The following AGFG1 variants were observed in gnomAD, a reference collection of about 807,000 sequenced individuals.
AGFG1 encodes arf-GAP domain and FG repeat-containing protein 1.
In AGFG1, 10 loss-of-function variants were observed where a neutral mutation model predicts 60.6. That is an observed-to-expected ratio of 0.16 (90% CI 0.10 to 0.28). The LOEUF (loss-of-function observed/expected upper bound fraction) is 0.28. AGFG1 is among the 10% of genes least tolerant of loss of function. The pLI, the probability that AGFG1 is intolerant of heterozygous loss-of-function variation, is 1.00. For synonymous variants in AGFG1, 247 were observed against 242.9 expected, an observed-to-expected ratio of 1.02 and a Z score of -0.16; for missense variants, 537 against 676.5, an observed-to-expected ratio of 0.79 and a Z score of 2.29.
At chr2:227,486,811 G>C (rs369904242) in intron 1 of AGFG1, among the ~76,000 whole-genome samples, 34 of 152,144 alleles carry the variant, frequency 2.2e-4, no homozygotes, top group Middle Eastern at 6.3e-3. Flanking sequence ...AACTGCAGGG[G>C]TTTTACCCTG....
chr2:227,547,916 T>C (rs34187364), intron 10 of AGFG1, among the ~76,000 whole-genome samples: 10,999 of 152,274 alleles, frequency 0.072, 529 homozygotes, highest in Admixed American at 0.11. Flanking sequence ...TCAGTATTTA[T>C]CATCGCTAAG....
intron 10 of AGFG1, among the ~76,000 whole-genome samples, chr2:227,545,391 C>G (rs568273610): frequency 6.6e-6 from 1 of 152,198 alleles, no homozygotes; most frequent in South Asian, 2.1e-4. Flanking sequence ...AGCTTCCTTG[C>G]GATAGGTTTG....
At chr2:227,498,902 T>G (rs1045479309) in intron 2 of AGFG1, among the ~76,000 whole-genome samples, 1 of 152,232 alleles carries the variant, frequency 6.6e-6, no homozygotes, top group African/African-American at 2.4e-5. Flanking sequence ...TGCCATTGTG[T>G]GTTATCTTCT....
chr2:227,536,519 G>C, intron 8 of AGFG1, 106 bp from the exon 9 acceptor site: 1 of 821,374 alleles, frequency 1.2e-6, no homozygotes. Flanking sequence ...TGTTGATACT[G>C]ATGCTGTGAT....
At chr2:227,546,800 T>C (rs1264156381) in intron 10 of AGFG1, among the ~76,000 whole-genome samples, 1 of 152,240 alleles carries the variant, frequency 6.6e-6, no homozygotes, top group Admixed American at 6.5e-5. Context: ...GAAATTTTTA[T>C]AACTCTTAGG....
chr2:227,548,598 A>G (rs954590332), intron 10 of AGFG1, among the ~76,000 whole-genome samples: 24 of 152,204 alleles, frequency 1.6e-4, no homozygotes, highest in African/African-American at 5.8e-4. Context: ...AGTTTAATCA[A>G]TGTCATTAAT....
At chr2:227,495,404 G>GAT (rs1400974237) in intron 2 of AGFG1, among the ~76,000 whole-genome samples, 62 of 152,112 alleles carry the variant, frequency 4.1e-4, no homozygotes, top group Admixed American at 4.0e-3. Flanking sequence ...AAATTAGCCA[G>GAT]GCGTGGTGGT....
rs1290375423 is a variant in AGFG1 at position 227,558,648 on chromosome 2, T to C, written c.*4153T>C. The stretch of plus-strand genomic sequence containing the variant: ...TTTAAAACTTAGTGACATTAAACTT[T>C]TCACGTGGTTGTTTGTGAACAGATG... On this transcript the variant is annotated 3_prime_UTR_variant, in exon 13 of 13. Coordinates refer to ENST00000310078, the MANE Select transcript of AGFG1 (RefSeq NM_004504.5). 6.6e-6 allele frequency: 1 copy of C among 152,224 alleles called. No homozygotes were observed. The highest frequency in any genetic ancestry group is 1.9e-4 in the East Asian group (1 of 5,200). 9.4% of individuals were successfully genotyped at this position (152,224 alleles called of 1,614,324 possible).
intron 1 of AGFG1, among the ~76,000 whole-genome samples, chr2:227,474,354 C>A (rs1372476733): frequency 6.6e-6 from 1 of 152,190 alleles, no homozygotes; most frequent in Non-Finnish European, 1.5e-5. Flanking sequence ...ATTTACACTT[C>A]CGGATTTCTG....
rs754654721 is a variant in AGFG1 at position 227,534,833 on chromosome 2, G to T, written c.1025-12G>T. On this transcript the variant is annotated splice_polypyrimidine_tract_variant and intron_variant, in intron 7 of 12. Coordinates refer to ENST00000310078, the MANE Select transcript of AGFG1 (RefSeq NM_004504.5). ...TAAATTTTTGGTGTAACTTGATTTT[G>T]TTCGTTCCCAGGTGGTGATCAGGGA... The T allele has an allele frequency of 6.2e-7, 1 of 1,606,984 alleles. No homozygotes were observed. The highest frequency in any genetic ancestry group is 8.5e-7 in the Non-Finnish European group (1 of 1,176,646).
intron 5 of AGFG1, among the ~76,000 whole-genome samples, chr2:227,529,713 T>G (rs981112472): frequency 1.3e-5 from 2 of 152,118 alleles, no homozygotes; most frequent in African/African-American, 4.8e-5. Context: ...CTGTAATTGA[T>G]TTTTGTCACA....
intron 2 of AGFG1, among the ~76,000 whole-genome samples, chr2:227,518,991 G>A (rs1169255835): frequency 6.6e-6 from 1 of 152,038 alleles, no homozygotes; most frequent in Non-Finnish European, 1.5e-5. Flanking sequence ...TGGGCAACAT[G>A]GTGAAACACC....
chr2:227,500,305 G>A (rs1691115523), intron 2 of AGFG1, among the ~76,000 whole-genome samples: 1 of 152,162 alleles, frequency 6.6e-6, no homozygotes, highest in Non-Finnish European at 1.5e-5. Flanking sequence ...TGTGATCCTA[G>A]GTTCTTTCCA....
At chr2:227,494,688 C>G (rs1252788718) in intron 2 of AGFG1, among the ~76,000 whole-genome samples, 1 of 152,150 alleles carries the variant, frequency 6.6e-6, no homozygotes, top group Non-Finnish European at 1.5e-5. Context: ...TATGAATGTT[C>G]CTCCAGACAT....
chr2:227,479,476 T>C (rs888960597), intron 1 of AGFG1, among the ~76,000 whole-genome samples: 4 of 152,228 alleles, frequency 2.6e-5, no homozygotes, highest in Non-Finnish European at 4.4e-5. Context: ...CCTCTGGATC[T>C]CAATTTGAAA....
intron 6 of AGFG1, among the ~76,000 whole-genome samples, chr2:227,531,513 C>A (rs534446557): frequency 1.4e-5 from 2 of 138,430 alleles, no homozygotes; most frequent in African/African-American, 5.7e-5. Context: ...AAGTATTTCT[C>A]TCTCTCTGTC....
chr2:227,533,501 A>G (rs376689684), intron 6 of AGFG1, 48 bp from the exon 7 acceptor site: 1 of 1,481,196 alleles, frequency 6.8e-7, no homozygotes, highest in South Asian at 1.1e-5. Flanking sequence ...ATGAGAGGGT[A>G]CTAGGAAAAG....
intron 10 of AGFG1, among the ~76,000 whole-genome samples, chr2:227,539,865 T>G (rs373515705): frequency 4.1e-4 from 63 of 152,192 alleles, no homozygotes; most frequent in South Asian, 3.7e-3. Flanking sequence ...AGACAGATTC[T>G]CACTCTGTCA....
intron 10 of AGFG1, among the ~76,000 whole-genome samples, chr2:227,546,208 C>G (rs950684035): frequency 6.6e-6 from 1 of 152,234 alleles, no homozygotes; most frequent in Admixed American, 6.5e-5. Flanking sequence ...GCCCCTCCCC[C>G]AGCCTTGCTG....
Sources: gnomAD v4.1 joint callset for allele counts (sites outside exome capture counted in the v4.1 genomes callset) on GRCh38, gnomAD v4.1.1 for gene constraint, MANE v1.5 for transcripts, NCBI Gene and HGNC (gene_info 2026-07-23, HGNC 2026-07-21) for gene names.